FBXO4: variants seen among roughly 807,000 people sequenced by gnomAD.
FBXO4 encodes the protein F-box protein 4, also known as F-box only protein 4.
A neutral mutation model predicts 43.7 loss-of-function variants in FBXO4; 36 were observed. The ratio of observed to expected loss-of-function variants is 0.82; its 90% CI spans 0.63 to 1.09. The LOEUF is 1.09. Among genes scored for constraint, FBXO4 ranks in the 50% least tolerant of loss-of-function variants. The pLI is 0.00. For synonymous variants in FBXO4, 180 were observed against 165.6 expected, an observed-to-expected ratio of 1.09 and a Z score of -0.67; for missense variants, 435 against 474.1, an observed-to-expected ratio of 0.92 and a Z score of 0.77.
chr5:42,005,884 T>C, the FBXO4 span, among the ~76,000 whole-genome samples: 2 of 152,088 alleles, frequency 1.3e-5, no homozygotes, highest in Admixed American at 6.6e-5. Flanking sequence ...AAAAAACCAG[T>C]GACCCGCTAT....
At chr5:41,930,902 C>G (rs1037422339) in intron 3 of FBXO4, among the ~76,000 whole-genome samples, 5 of 152,262 alleles carry the variant, frequency 3.3e-5, no homozygotes, top group Non-Finnish European at 7.4e-5. Flanking sequence ...GTGATCCGCC[C>G]ACCTGGGTCT....
At position 41,925,452 on chromosome 5, in the gene FBXO4, C is replaced by T. The variant is rs1247871477; in HGVS notation, c.143C>T (p.Ser48Leu). 1.3e-5 allele frequency: 17 copies of T among 1,349,880 alleles called. No homozygotes were observed. Among genetic ancestry groups the T allele is most frequent in the African/African-American group, 3.1e-5 (2 of 65,214 alleles). 83.6% of individuals were successfully genotyped at this position (1,349,880 alleles called of 1,614,324 possible). ...AAGGAGAGGGTGGCGCGTACGACCT[C>T]ACGGGAGGAGGTGGATGAGGCGGCC... ...VSKERVARTT[S>L]REEVDEAAST... is the part of the protein sequence containing the mutation. The change falls in exon 1 of 7, where the codon TCA becomes TTA. Residue 48 changes from serine to leucine, a missense_variant. Physicochemically the swap from Ser to Leu is moderately radical, Grantham distance 145 (BLOSUM62 -2). Transcript: ENST00000281623.
the FBXO4 span, among the ~76,000 whole-genome samples, chr5:42,015,355 A>G: frequency 6.6e-6 from 1 of 152,184 alleles, no homozygotes; most frequent in Non-Finnish European, 1.5e-5. Context: ...GAGACGTTGT[A>G]TTCTACATGG....
At chr5:42,007,191 T>A in the FBXO4 span, among the ~76,000 whole-genome samples, 1 of 144,820 alleles carries the variant, frequency 6.9e-6, no homozygotes, top group Admixed American at 7.0e-5. Context: ...ATGTTACTGA[T>A]GTCTTTATAA....
At chr5:41,959,163 T>C in the FBXO4 span, among the ~76,000 whole-genome samples, 3 of 152,192 alleles carry the variant, frequency 2.0e-5, no homozygotes, top group Admixed American at 6.5e-5. Flanking sequence ...GCATTTTTTA[T>C]ACACCCATTA....
chr5:41,954,618 T>C, the FBXO4 span, among the ~76,000 whole-genome samples: 1 of 152,202 alleles, frequency 6.6e-6, no homozygotes, highest in Non-Finnish European at 1.5e-5. Flanking sequence ...GGCTTCAAAT[T>C]TGCAATCAGA....
the FBXO4 span, among the ~76,000 whole-genome samples, chr5:42,031,680 C>T: frequency 4.0e-5 from 6 of 151,892 alleles, no homozygotes; most frequent in Admixed American, 6.6e-5. Flanking sequence ...CAGGATTTGT[C>T]GTGAATGCCT....
At chr5:42,038,574 G>C in the FBXO4 span, among the ~76,000 whole-genome samples, 1 of 152,004 alleles carries the variant, frequency 6.6e-6, no homozygotes, top group African/African-American at 2.4e-5. Context: ...AGTAATTGTG[G>C]TATCTATCAC....
intron 1 of FBXO4, among the ~76,000 whole-genome samples, chr5:41,926,143 C>A (rs886581192): frequency 9.2e-5 from 14 of 152,178 alleles, no homozygotes. Flanking sequence ...TATTACAATT[C>A]TTTGTCTCAT....
the FBXO4 span, among the ~76,000 whole-genome samples, chr5:41,978,223 A>T: frequency 6.6e-6 from 1 of 152,184 alleles, no homozygotes; most frequent in Admixed American, 6.5e-5. Context: ...CTCACTCATC[A>T]CCACTTTGTA....
chr5:42,012,951 C>T, the FBXO4 span, among the ~76,000 whole-genome samples: 1 of 152,142 alleles, frequency 6.6e-6, no homozygotes, highest in African/African-American at 2.4e-5. Context: ...AAAATTTCCA[C>T]TTGTTCTCTA....
At chr5:41,978,310 C>T in the FBXO4 span, among the ~76,000 whole-genome samples, 1 of 152,128 alleles carries the variant, frequency 6.6e-6, no homozygotes, top group Admixed American at 6.5e-5. Flanking sequence ...ACACCTCCAA[C>T]GTTGGAGATT....
the FBXO4 span, among the ~76,000 whole-genome samples, chr5:41,985,490 T>C: frequency 6.6e-6 from 1 of 152,148 alleles, no homozygotes; most frequent in African/African-American, 2.4e-5. Context: ...TCTTTATAAT[T>C]ACTAAGGGAT....
the FBXO4 span, among the ~76,000 whole-genome samples, chr5:42,013,358 A>T: frequency 6.6e-6 from 1 of 152,164 alleles, no homozygotes; most frequent in Non-Finnish European, 1.5e-5. Flanking sequence ...CTTCCACTCT[A>T]ATTGGCAAAG....
chr5:41,953,126 C>T, the FBXO4 span, among the ~76,000 whole-genome samples: 1 of 152,018 alleles, frequency 6.6e-6, no homozygotes, highest in East Asian at 1.9e-4. Flanking sequence ...AGGTATATCT[C>T]CTAATGCTAT....
chr5:41,998,911 C>T, the FBXO4 span, among the ~76,000 whole-genome samples: 8 of 152,246 alleles, frequency 5.3e-5, no homozygotes, highest in East Asian at 1.5e-3. Flanking sequence ...GTATCTCCTT[C>T]TGAAGCCGGA....
the FBXO4 span, among the ~76,000 whole-genome samples, chr5:41,990,320 G>C: frequency 6.6e-6 from 1 of 152,098 alleles, no homozygotes. Flanking sequence ...CAGTGTGGTG[G>C]GCAATCTATC....
the FBXO4 span, among the ~76,000 whole-genome samples, chr5:41,979,022 T>C: frequency 6.6e-6 from 1 of 152,240 alleles, no homozygotes; most frequent in African/African-American, 2.4e-5. Flanking sequence ...TTTTCAGCCT[T>C]GTAGACTGTG....
downstream of FBXO4, among the ~76,000 whole-genome samples, chr5:41,946,415 A>G (rs893296608): frequency 6.6e-6 from 1 of 152,252 alleles, no homozygotes; most frequent in African/African-American, 2.4e-5. Context: ...GAATCAACAT[A>G]TTAAAACTTT....
Sources: allele counts gnomAD v4.1 joint callset (sites outside exome capture counted in the v4.1 genomes callset), GRCh38; gene constraint gnomAD v4.1.1; transcripts MANE v1.5; gene names NCBI Gene and HGNC (gene_info 2026-07-23, HGNC 2026-07-21).